Variants in LSM12 observed in about 807,000 individuals in gnomAD.
LSM12 encodes the protein LSM12 homolog.
For missense variants in LSM12, 108 were observed against 238.9 expected (o/e 0.45, Z 3.61); for synonymous variants, 74 against 87.3 (o/e 0.85, Z 0.85).
chr17:44,056,533 G>A (rs1035733642), intron 2 of LSM12, among the ~76,000 whole-genome samples: 9 of 151,490 alleles, frequency 5.9e-5, no homozygotes, highest in Non-Finnish European at 1.2e-4. Context: ...AAGGCAGAAG[G>A]ACTGCTTGAG....
At chr17:44,051,068 T>C (rs112881211) in intron 2 of LSM12, among the ~76,000 whole-genome samples, 1 of 151,916 alleles carries the variant, frequency 6.6e-6, no homozygotes, top group Non-Finnish European at 1.5e-5. Context: ...GGTCAAGAGA[T>C]TGAGACCATC....
chr17:44,050,352 C>CA (rs1466619982), intron 2 of LSM12, among the ~76,000 whole-genome samples: 1 of 151,638 alleles, frequency 6.6e-6, no homozygotes, highest in Non-Finnish European at 1.5e-5. Flanking sequence ...TCAGGTAATC[C>CA]ACCTGCCTCA....
At chr17:44,054,354 C>T (rs1231715821) in intron 2 of LSM12, among the ~76,000 whole-genome samples, 1 of 152,182 alleles carries the variant, frequency 6.6e-6, no homozygotes, top group Non-Finnish European at 1.5e-5. Flanking sequence ...CTCTGTCACC[C>T]AGGCTGGAGT....
intron 1 of LSM12, 124 bp from the exon 2 acceptor site, chr17:44,064,058 C>G (rs2049835534): frequency 9.6e-7 from 1 of 1,036,560 alleles, no homozygotes; most frequent in Non-Finnish European, 1.4e-6. Flanking sequence ...GCATGAGGGC[C>G]TTATAAGAAT....
chr17:44,062,384 G>A lies in LSM12; in HGVS notation c.258+1417C>T, dbSNP rs369074781. On this transcript the variant is annotated intron_variant, in intron 2 of 4. Transcript: ENST00000293406. ...GTGAAGGACAAGGTACTATGAGAGA[G>A]AATAATGCAGGCAAATTACTTCAGC... Among the ~76,000 whole-genome samples the A allele has an allele frequency of 1.9e-4, 29 of 152,288 alleles. No individual in the cohort carries two copies. The East Asian group carries it at 5.6e-3, about 29-fold the overall frequency.
Position 44,054,822 on chromosome 17 carries a change from C to T in LSM12, c.258+8979G>A, listed in dbSNP as rs77086899. ...CTCTCACCAGGGACTGCGGCCTTGG[C>T]GACGTTTTCTTTTTCTTTTTTTTTT... On this transcript the variant is annotated intron_variant, in intron 2 of 4. Coordinates refer to ENST00000293406, the MANE Select transcript of LSM12 (RefSeq NM_001371445.1). Among the ~76,000 whole-genome samples, 85 of 151,552 alleles carry T rather than the reference C, an allele frequency of 5.6e-4. 2 individuals are homozygous for T. In the East Asian group the frequency reaches 0.014, roughly 25 times the overall value.
intron 3 of LSM12, among the ~76,000 whole-genome samples, chr17:44,037,756 G>A (rs768404732): frequency 2.0e-5 from 3 of 152,116 alleles, no homozygotes; most frequent in Non-Finnish European, 2.9e-5. Context: ...TCTTGGGAGA[G>A]CCCAGAAATT....
chr17:44,065,730 C>CT (rs1300395859), intron 1 of LSM12, among the ~76,000 whole-genome samples: 1 of 152,142 alleles, frequency 6.6e-6, no homozygotes, highest in Non-Finnish European at 1.5e-5. Flanking sequence ...GAGAACTTCA[C>CT]TCTTTCACCT....
chr17:44,044,058 A>G (rs982171107), intron 2 of LSM12, among the ~76,000 whole-genome samples: 2 of 152,206 alleles, frequency 1.3e-5, no homozygotes, highest in African/African-American at 4.8e-5. Context: ...TTCAAAGAGT[A>G]AAATGTCGTT....
rs2049408089 is a variant in LSM12 at position 44,035,695 on chromosome 17, G to GGAAAAGAAAA, written c.*512_*513insTTTTCTTTTC. The GGAAAAGAAAA allele has an allele frequency of 1.1e-5, 1 of 88,878 alleles. No individual in the cohort carries two copies. The highest frequency in any genetic ancestry group is 4.1e-5 in the African/African-American group (1 of 24,250). 5.5% of individuals were successfully genotyped at this position (88,878 alleles called of 1,614,324 possible). The stretch of plus-strand genomic sequence containing the variant: ...CCCTGTGCAAAAAAAAAAAAAAAAA[G>GGAAAAGAAAA]AAAAAAGAAAAAAAAAGGAAAAGAA... On this transcript the variant is annotated 3_prime_UTR_variant, in exon 5 of 5. Transcript: ENST00000293406.
At chr17:44,041,245 T>C (rs1361045471) in intron 2 of LSM12, among the ~76,000 whole-genome samples, 11 of 137,068 alleles carry the variant, frequency 8.0e-5, no homozygotes, top group Non-Finnish European at 1.5e-4. Flanking sequence ...TACTCCAGCC[T>C]GGGCAAAGAA....
At chr17:44,045,645 A>T (rs1211179608) in intron 2 of LSM12, among the ~76,000 whole-genome samples, 1 of 152,170 alleles carries the variant, frequency 6.6e-6, no homozygotes, top group Non-Finnish European at 1.5e-5. Flanking sequence ...ATCTCAGCCC[A>T]CTGCAACCTC....
At chr17:44,048,104 G>A (rs1422718313) in intron 2 of LSM12, among the ~76,000 whole-genome samples, 1 of 151,540 alleles carries the variant, frequency 6.6e-6, no homozygotes, top group Non-Finnish European at 1.5e-5. Context: ...GGACACAAGT[G>A]CTCTGTAAGA....
At chr17:44,066,393 G>A in intron 1 of LSM12, 71 bp downstream of exon 1, 15 of 1,482,028 alleles carry the variant, frequency 1.0e-5, no homozygotes, top group Non-Finnish European at 1.3e-5. Flanking sequence ...AGCCGCCGCC[G>A]TCGTCCCCCA....
intron 2 of LSM12, among the ~76,000 whole-genome samples, chr17:44,042,145 G>T (rs1420250241): frequency 6.6e-6 from 1 of 152,018 alleles, no homozygotes; most frequent in East Asian, 2.0e-4. Flanking sequence ...AAATTAGATG[G>T]GTGTGGTGGT....
chr17:44,058,823 A>G lies in LSM12; in HGVS notation c.258+4978T>C, dbSNP rs188486249. 5.9e-3 allele frequency among the ~76,000 whole-genome samples: 902 copies of G among 152,002 alleles called. 11 individuals carry two copies. The highest frequency in any genetic ancestry group is 0.021 in the African/African-American group (852 of 41,452). ...GCACTCCAGCCTGGGCAACAGGGCA[A>G]GACTCCATCTCAAAAAAGAAAGAAA... On this transcript the variant is annotated intron_variant, in intron 2 of 4. Transcript: ENST00000293406.
intron 2 of LSM12, among the ~76,000 whole-genome samples, chr17:44,056,286 ACT>A (rs1374139885): frequency 2.2e-5 from 3 of 136,124 alleles, no homozygotes; most frequent in African/African-American, 8.4e-5. Flanking sequence ...CAAGAGTAAA[ACT>A]CTGTCTCAAA....
chr17:44,054,082 GACA>G (rs1239468857), intron 2 of LSM12, among the ~76,000 whole-genome samples: 2 of 152,078 alleles, frequency 1.3e-5, no homozygotes, highest in Admixed American at 6.6e-5. Flanking sequence ...TTTTCAGGAG[GACA>G]ACAATTCTCC....
chr17:44,034,341 A>G lies in LSM12; in HGVS notation c.*1867T>C, dbSNP rs1272378744. Among the ~76,000 whole-genome samples, 1 of 152,146 alleles carries G rather than the reference A, an allele frequency of 6.6e-6. No homozygotes were observed. The highest frequency in any genetic ancestry group is 2.4e-5 in the African/African-American group (1 of 41,430). On this transcript the variant is annotated 3_prime_UTR_variant, in exon 5 of 5. Coordinates refer to ENST00000293406, the MANE Select transcript of LSM12 (RefSeq NM_001371445.1). ...TTCAGACCAGTGGCAGGTGGATCTG[A>G]AAGTTTACTTCTCAGCTCGCCGACC... is the stretch of plus-strand genomic sequence containing the variant.
Sources: allele counts gnomAD v4.1 joint callset (sites outside exome capture counted in the v4.1 genomes callset), GRCh38; gene constraint gnomAD v4.1.1; transcripts MANE v1.5; gene names NCBI Gene and HGNC (gene_info 2026-07-23, HGNC 2026-07-21).